Variants in SEMA6D observed in about 807,000 individuals in gnomAD.
SEMA6D encodes the protein semaphorin-6D.
Under a neutral mutation model 106.6 loss-of-function variants are expected in SEMA6D, and 35 were observed. That is an observed-to-expected ratio of 0.33 (90% CI 0.25 to 0.44). The LOEUF (loss-of-function observed/expected upper bound fraction) is 0.44, where lower values mean the gene tolerates loss of function less well. Among genes scored for constraint, SEMA6D ranks in the 20% least tolerant of loss-of-function variants. SEMA6D has a pLI of 1.00. For synonymous variants in SEMA6D, 499 were observed against 487.7 expected (o/e 1.02, Z -0.31); for missense variants, 1,185 against 1,345.9 (o/e 0.88, Z 1.87).
chr15:47,481,899 G>A (rs1364380673), intron 3 of SEMA6D, among the ~76,000 whole-genome samples: 2 of 152,148 alleles, frequency 1.3e-5, no homozygotes, highest in African/African-American at 2.4e-5. Context: ...GTCTCACCAG[G>A]TCTGGTTAAT....
intron 1 of SEMA6D, among the ~76,000 whole-genome samples, chr15:47,364,288 C>T (rs2038925982): frequency 6.6e-6 from 1 of 152,144 alleles, no homozygotes; most frequent in African/African-American, 2.4e-5. Context: ...CAGGTCAGAA[C>T]CACCTGTGAC....
At chr15:47,229,053 T>C (rs1392137669) in intron 1 of SEMA6D, among the ~76,000 whole-genome samples, 1 of 152,028 alleles carries the variant, frequency 6.6e-6, no homozygotes, top group Non-Finnish European at 1.5e-5. Flanking sequence ...AACTGAAGCT[T>C]ACTTATTGTC....
At chr15:47,262,925 C>T (rs902130260) in intron 1 of SEMA6D, among the ~76,000 whole-genome samples, 3 of 151,868 alleles carry the variant, frequency 2.0e-5, no homozygotes, top group African/African-American at 7.3e-5. Context: ...TTTGAATAAC[C>T]TGAGAAAAAT....
chr15:47,254,875 T>TTTTTTGTGTGTGTGTG (rs1555411185), intron 1 of SEMA6D, among the ~76,000 whole-genome samples: 1 of 134,308 alleles, frequency 7.4e-6, no homozygotes, highest in African/African-American at 2.8e-5. Context: ...ACCTGTGGTT[T>TTTTTTGTGTGTGTGTG]TGTGTGTGTG....
At chr15:47,610,054 G>A (rs2076865172) in intron 4 of SEMA6D, among the ~76,000 whole-genome samples, 1 of 152,224 alleles carries the variant, frequency 6.6e-6, no homozygotes, top group African/African-American at 2.4e-5. Flanking sequence ...GCAATAGAGT[G>A]AGGAGAATTG....
At chr15:47,738,795 C>T (rs2146953704) in intron 1 of SEMA6D, among the ~76,000 whole-genome samples, 1 of 152,294 alleles carries the variant, frequency 6.6e-6, no homozygotes, top group Middle Eastern at 3.4e-3. Context: ...GTGGGCAGAG[C>T]TCAGCAAAGA....
chr15:47,357,995 C>T (rs547184322), intron 1 of SEMA6D, among the ~76,000 whole-genome samples: 7 of 152,072 alleles, frequency 4.6e-5, no homozygotes, highest in Admixed American at 2.0e-4. Context: ...TCAGATTTAC[C>T]GAATGTATTT....
intron 2 of SEMA6D, among the ~76,000 whole-genome samples, chr15:47,451,957 A>G (rs1434030905): frequency 6.6e-6 from 1 of 151,962 alleles, no homozygotes; most frequent in Non-Finnish European, 1.5e-5. Flanking sequence ...AAAACCAAAC[A>G]TTGAATTGCT....
Position 47,769,923 on chromosome 15 carries a change from G to GA in SEMA6D, c.1934-564dup, listed in dbSNP as rs948484704. Reference sequence around the variant, plus strand: ...AGAGTGCTTCACCCCAAGATGGAATGAAAAAAAAAATCCAAGCAAACATGA... The same window carrying GA: ...AGAGTGCTTCACCCCAAGATGGAATGAAAAAAAAAAATCCAAGCAAACATGA... On this transcript the variant is annotated intron_variant, in intron 18 of 18. Transcript: ENST00000536845. 3.0e-4 allele frequency among the ~76,000 whole-genome samples: 44 copies of GA among 148,244 alleles called. 1 individual carries two copies. In the East Asian group the frequency reaches 4.7e-3, roughly 16 times the overall value.
At chr15:47,195,469 G>C (rs1894276068) in intron 1 of SEMA6D, among the ~76,000 whole-genome samples, 1 of 152,016 alleles carries the variant, frequency 6.6e-6, no homozygotes, top group African/African-American at 2.4e-5. Context: ...TATCTCCCCT[G>C]ATAACATTAT....
chr15:47,440,544 T>C (rs780937848), intron 2 of SEMA6D, among the ~76,000 whole-genome samples: 1 of 151,834 alleles, frequency 6.6e-6, no homozygotes, highest in Non-Finnish European at 1.5e-5. Context: ...GACCCCCAGC[T>C]AAACTTCAGA....
At chr15:47,344,444 A>G (rs2037958485) in intron 1 of SEMA6D, among the ~76,000 whole-genome samples, 1 of 152,184 alleles carries the variant, frequency 6.6e-6, no homozygotes, top group Non-Finnish European at 1.5e-5. Flanking sequence ...AGGGGTGGGG[A>G]AAAACAAGGT....
intron 1 of SEMA6D, among the ~76,000 whole-genome samples, chr15:47,250,984 C>T (rs2033483484): frequency 6.6e-6 from 1 of 152,168 alleles, no homozygotes; most frequent in Non-Finnish European, 1.5e-5. Context: ...TGGCACCTTG[C>T]TTCACATTTG....
intron 1 of SEMA6D, among the ~76,000 whole-genome samples, chr15:47,360,387 T>A (rs1414357159): frequency 5.3e-5 from 8 of 152,244 alleles, no homozygotes; most frequent in Admixed American, 4.6e-4. Context: ...GCATTAACTG[T>A]TAGCCACAGT....
chr15:47,771,597 A>G lies in SEMA6D; in HGVS notation c.3034A>G (p.Ile1012Val). The part of the protein sequence containing the change: ...PTPTGAKVDY[I>V]QGTPVSVHLQ... ...CCCCACTGGGGCGAAGGTGGACTAT[A>G]TTCAGGGAACACCAGTGAGTGTTCA... is the stretch of plus-strand genomic sequence containing the variant. Residue 1012 changes from isoleucine (I) to valine (V), a missense_variant, in exon 19 of 19, where the codon ATT (isoleucine) becomes GTT (valine). By Grantham distance (29) the Ile-to-Val change is conservative (BLOSUM62 3). This residue lies in a region of SEMA6D where 750 missense variants were observed against 783.5 expected (regional missense o/e 0.96). Coordinates refer to ENST00000536845, the MANE Select transcript of SEMA6D (RefSeq NM_001358351.3). The G allele has an allele frequency of 6.2e-7, 1 of 1,614,114 alleles. No homozygotes were observed. The highest frequency in any genetic ancestry group is 8.5e-7 in the Non-Finnish European group (1 of 1,179,972).
At chr15:47,722,962 T>A (rs1229110151) in intron 1 of SEMA6D, among the ~76,000 whole-genome samples, 1 of 152,166 alleles carries the variant, frequency 6.6e-6, no homozygotes, top group African/African-American at 2.4e-5. Flanking sequence ...TTCCTGAGGT[T>A]ACATAATGGA....
intron 4 of SEMA6D, among the ~76,000 whole-genome samples, chr15:47,687,399 T>C (rs1324188317): frequency 6.6e-6 from 1 of 152,128 alleles, no homozygotes; most frequent in African/African-American, 2.4e-5. Context: ...CCCTAACTTA[T>C]CTGGGTGATG....
At chr15:47,730,452 T>G in intron 1 of SEMA6D, 1 of 1,382,084 alleles carries the variant, frequency 7.2e-7, no homozygotes, top group Non-Finnish European at 1.0e-6. Context: ...ACCAGCTCGA[T>G]GGGATCCACG....
At chr15:47,482,518 G>C (rs2043181093) in intron 3 of SEMA6D, among the ~76,000 whole-genome samples, 1 of 152,090 alleles carries the variant, frequency 6.6e-6, no homozygotes, top group African/African-American at 2.4e-5. Context: ...CCGTGGTTTA[G>C]AGAAATGATA....
Sources: allele counts gnomAD v4.1 joint callset (sites outside exome capture counted in the v4.1 genomes callset), GRCh38; gene constraint gnomAD v4.1.1; regional missense constraint gnomAD v4.1.1; transcripts MANE v1.5; gene names NCBI Gene and HGNC (gene_info 2026-07-23, HGNC 2026-07-21).